CCDC68: variants seen among roughly 807,000 people sequenced by gnomAD.
The protein encoded by CCDC68 is coiled-coil domain-containing protein 68.
CCDC68 carries 45 observed loss-of-function variants against 47.1 expected under a neutral mutation model. That is an observed-to-expected ratio of 0.96 (90% CI 0.75 to 1.23). The LOEUF (loss-of-function observed/expected upper bound fraction) is 1.23, where lower values mean the gene tolerates loss of function less well. Ranked by LOEUF, CCDC68 falls within the 50% of genes most tolerant of loss-of-function variation. CCDC68 has a pLI of 0.00. For missense variants in CCDC68, 353 were observed against 373.6 expected (o/e 0.94, Z 0.45); for synonymous variants, 131 against 129.5 (o/e 1.01, Z -0.08).
chr18:54,908,868 C>T (rs1443479681), intron 10 of CCDC68, among the ~76,000 whole-genome samples: 1 of 152,050 alleles, frequency 6.6e-6, no homozygotes, highest in Non-Finnish European at 1.5e-5. Context: ...CACCACTATG[C>T]CTGGCTAATT....
intron 1 of CCDC68, among the ~76,000 whole-genome samples, chr18:54,947,878 G>A (rs763158749): frequency 5.9e-5 from 9 of 152,126 alleles, no homozygotes; most frequent in Non-Finnish European, 4.4e-5. Flanking sequence ...CTAATGCACC[G>A]ATAATTTGTC....
At chr18:54,904,583 T>C (rs1243696203) in intron 11 of CCDC68, among the ~76,000 whole-genome samples, 168 bp from the exon 12 acceptor site, 1 of 152,230 alleles carries the variant, frequency 6.6e-6, no homozygotes, top group African/African-American at 2.4e-5. Context: ...CCCCATGATA[T>C]ACAGTAGAAT....
At chr18:54,951,160 G>A (rs1183993999) in intron 1 of CCDC68, among the ~76,000 whole-genome samples, 1 of 151,514 alleles carries the variant, frequency 6.6e-6, no homozygotes, top group Admixed American at 6.6e-5. Flanking sequence ...CGCCCGCCTC[G>A]GCCTCCCAAA....
chr18:54,922,054 G>A (rs1315388423), intron 8 of CCDC68, among the ~76,000 whole-genome samples: 1 of 152,050 alleles, frequency 6.6e-6, no homozygotes, highest in African/African-American at 2.4e-5. Flanking sequence ...AGATGAAAAC[G>A]CTTTGTGCCC....
At chr18:54,938,145 C>T in intron 4 of CCDC68, 48 bp from the exon 5 acceptor site, 1 of 1,553,752 alleles carries the variant, frequency 6.4e-7, no homozygotes, top group Non-Finnish European at 8.7e-7. Flanking sequence ...TTTTCCTCTA[C>T]AAACTTTGAC....
chr18:54,938,969 C>A (rs1480825363), intron 4 of CCDC68, among the ~76,000 whole-genome samples: 2 of 152,170 alleles, frequency 1.3e-5, no homozygotes, highest in Non-Finnish European at 2.9e-5. Flanking sequence ...AGGTGCTAGG[C>A]CCTTTACACA....
chr18:54,940,831 A>G (rs2044424232), intron 4 of CCDC68, among the ~76,000 whole-genome samples, 166 bp downstream of exon 4: 1 of 152,232 alleles, frequency 6.6e-6, no homozygotes, highest in South Asian at 2.1e-4. Context: ...TGATCTTATA[A>G]CATTTGTGGT....
intron 6 of CCDC68, among the ~76,000 whole-genome samples, chr18:54,935,790 G>A (rs2044333644): frequency 6.6e-6 from 1 of 152,148 alleles, no homozygotes; most frequent in African/African-American, 2.4e-5. Context: ...GACCTTCTTA[G>A]AGCCTGAGCT....
chr18:54,953,334 A>G (rs138860306), intron 1 of CCDC68, among the ~76,000 whole-genome samples: 158 of 152,288 alleles, frequency 1.0e-3, no homozygotes, highest in African/African-American at 3.7e-3. Context: ...TGTACATGTT[A>G]TTTAAAAAAT....
chr18:54,922,276 G>C (rs371590320), intron 8 of CCDC68, among the ~76,000 whole-genome samples: 5 of 152,160 alleles, frequency 3.3e-5, no homozygotes, highest in South Asian at 2.1e-4. Flanking sequence ...AGGATGTTGC[G>C]GGGAGATGGA....
At chr18:54,935,037 C>A in intron 6 of CCDC68, 89 bp from the exon 7 acceptor site, 1 of 1,082,074 alleles carries the variant, frequency 9.2e-7, no homozygotes, top group South Asian at 3.1e-5. Context: ...TTCTAATTAG[C>A]CAAAAAAATT....
intron 8 of CCDC68, among the ~76,000 whole-genome samples, chr18:54,923,943 C>A (rs2044104305): frequency 1.3e-5 from 2 of 152,184 alleles, no homozygotes; most frequent in East Asian, 1.9e-4. Flanking sequence ...AAGTGATCTG[C>A]CCACCTCAGC....
At chr18:54,953,381 C>T (rs9948055) in intron 1 of CCDC68, among the ~76,000 whole-genome samples, 54,398 of 151,656 alleles carry the variant, frequency 0.36, 10,091 homozygotes, top group East Asian at 0.58. Context: ...CAATGCACAA[C>T]TGAGATTTCA....
At chr18:54,925,495 C>T (rs1292300844) in intron 8 of CCDC68, among the ~76,000 whole-genome samples, 1 of 152,020 alleles carries the variant, frequency 6.6e-6, no homozygotes, top group Non-Finnish European at 1.5e-5. Flanking sequence ...CCAGAAGAAG[C>T]CAAAAGAACT....
chr18:54,904,194 T>A lies in CCDC68; in HGVS notation c.*164A>T. The stretch of plus-strand genomic sequence containing the variant: ...AAGAGTCCATCCATTAAATATAGAT[T>A]TGTTTGATTTTCTGAAATGTCATCT... On this transcript the variant is annotated 3_prime_UTR_variant, in exon 12 of 12. Transcript: ENST00000591504. The A allele has an allele frequency of 2.1e-5, 12 of 568,854 alleles. No homozygotes were observed. The South Asian group carries it at 3.1e-4, about 15-fold the overall frequency. The allele number at this position is 568,854 out of a possible 1,614,324, so 35.2% of individuals were successfully genotyped here.
rs184112896 is a variant in CCDC68, at chr18:54,915,568, C to T, written c.873+2345G>A. ...GGATGGTACTTTTATCAGTGATTTT[C>T]TTGTTCTATTTGCTTATCCATATGT... On this transcript the variant is annotated intron_variant, in intron 10 of 11. Coordinates refer to ENST00000591504, the MANE Select transcript of CCDC68 (RefSeq NM_025214.3). Among the ~76,000 whole-genome samples, 849 of 152,254 alleles carry T rather than the reference C, an allele frequency of 5.6e-3. 42 individuals are homozygous for T. Among genetic ancestry groups the T allele is most frequent in the Admixed American group, 0.053 (813 of 15,284 alleles).
chr18:54,924,059 G>A (rs924084373), intron 8 of CCDC68, among the ~76,000 whole-genome samples: 1 of 152,010 alleles, frequency 6.6e-6, no homozygotes, highest in African/African-American at 2.4e-5. Flanking sequence ...GAAGGGTCAA[G>A]CCTAAAAAAA....
chr18:54,936,518 C>T (rs570269626), intron 6 of CCDC68, among the ~76,000 whole-genome samples: 12 of 151,926 alleles, frequency 7.9e-5, no homozygotes, highest in East Asian at 1.9e-4. Context: ...CGGCAGAGCC[C>T]GAAGAGAAGT....
intron 11 of CCDC68, 50 bp from the exon 12 acceptor site, chr18:54,904,465 T>G (rs1299662299): frequency 7.0e-7 from 1 of 1,421,094 alleles, no homozygotes; most frequent in Non-Finnish European, 9.9e-7. Flanking sequence ...TAAACTCTAG[T>G]GATTATGGCT....
Sources: gnomAD v4.1 joint callset for allele counts (sites outside exome capture counted in the v4.1 genomes callset) on GRCh38, gnomAD v4.1.1 for gene constraint, MANE v1.5 for transcripts, NCBI Gene and HGNC (gene_info 2026-07-23, HGNC 2026-07-21) for gene names.